SND1: variants seen among roughly 807,000 people sequenced by gnomAD.
The protein encoded by SND1 is staphylococcal nuclease and tudor domain containing 1, also known as staphylococcal nuclease domain-containing protein 1.
In SND1, 38 loss-of-function variants were observed where a neutral mutation model predicts 121.7. That is an observed-to-expected ratio of 0.31 (90% CI 0.24 to 0.41). The LOEUF (loss-of-function observed/expected upper bound fraction) is 0.41, where lower values mean the gene tolerates loss of function less well. Among genes scored for constraint, SND1 ranks in the 10% least tolerant of loss-of-function variants. The pLI is 1.00. For missense variants in SND1, 868 were observed against 1,184.6 expected, an observed-to-expected ratio of 0.73 and a Z score of 3.92; for synonymous variants, 401 against 447.4, an observed-to-expected ratio of 0.90 and a Z score of 1.31.
At chr7:127,716,820 G>A (rs1189074675) in intron 9 of SND1, among the ~76,000 whole-genome samples, 1 of 152,148 alleles carries the variant, frequency 6.6e-6, no homozygotes, top group Non-Finnish European at 1.5e-5. Flanking sequence ...ATATTCCTAT[G>A]TGATAATATG....
intron 10 of SND1, among the ~76,000 whole-genome samples, chr7:127,766,956 G>T (rs1353935791): frequency 1.3e-5 from 2 of 151,788 alleles, no homozygotes; most frequent in African/African-American, 2.4e-5. Context: ...GTAAAGTGCT[G>T]TGTACTTTTA....
At chr7:127,661,475 C>T (rs1218152464) in intron 1 of SND1, among the ~76,000 whole-genome samples, 1 of 152,132 alleles carries the variant, frequency 6.6e-6, no homozygotes, top group East Asian at 1.9e-4. Flanking sequence ...GAGCTTCATC[C>T]CTAGGCCTTT....
chr7:127,859,187 A>G (rs1212889738), intron 12 of SND1, among the ~76,000 whole-genome samples: 4 of 152,176 alleles, frequency 2.6e-5, no homozygotes, highest in African/African-American at 9.7e-5. Context: ...ATGGATATGT[A>G]GGCTTGGTTT....
At chr7:127,861,997 C>T (rs934054912) in intron 12 of SND1, among the ~76,000 whole-genome samples, 6 of 152,186 alleles carry the variant, frequency 3.9e-5, no homozygotes, top group African/African-American at 1.4e-4. Flanking sequence ...AGCAATAAGA[C>T]ATTAGTATTC....
At chr7:128,083,036 C>T (rs1406037575) in intron 18 of SND1, among the ~76,000 whole-genome samples, 1 of 152,214 alleles carries the variant, frequency 6.6e-6, no homozygotes, top group Admixed American at 6.5e-5. Flanking sequence ...AGGCCCCTGC[C>T]CTCTGGTGGC....
At chr7:127,860,938 T>G (rs187531408) in intron 12 of SND1, among the ~76,000 whole-genome samples, 32 of 152,344 alleles carry the variant, frequency 2.1e-4, no homozygotes, top group African/African-American at 7.7e-4. Context: ...TGTTCTGTTT[T>G]GGGGGATAGC....
At chr7:127,678,647 G>A (rs1381568002) in intron 1 of SND1, among the ~76,000 whole-genome samples, 2 of 152,098 alleles carry the variant, frequency 1.3e-5, no homozygotes, top group South Asian at 2.1e-4. Flanking sequence ...TCAGAGAAAG[G>A]CCTCCCAGAC....
In SND1 at chr7:127,731,870, T is replaced by C. The variant is rs184661505; in HGVS notation, c.1152+10470T>C. ...ATTAGTCCCAGAGTACCTGATACCG[T>C]AGACGGAACCTGACAAACTGGAAAC... On this transcript the variant is annotated intron_variant, in intron 10 of 23. Transcript: ENST00000354725. Among the ~76,000 whole-genome samples, 250 of 152,356 alleles carry C rather than the reference T, an allele frequency of 1.6e-3. 1 individual carries two copies. Among genetic ancestry groups the C allele is most frequent in the Admixed American group, 1.4e-3 (22 of 15,304 alleles).
chr7:127,966,585 A>T (rs550339490), intron 15 of SND1, among the ~76,000 whole-genome samples: 1 of 75,812 alleles, frequency 1.3e-5, no homozygotes, highest in Non-Finnish European at 2.5e-5. Flanking sequence ...AAACTGAACA[A>T]CCTGCTCCTG....
chr7:127,839,960 A>C (rs768806977), intron 11 of SND1, among the ~76,000 whole-genome samples: 2 of 152,240 alleles, frequency 1.3e-5, no homozygotes, highest in African/African-American at 2.4e-5. Flanking sequence ...ACAGCTTGAC[A>C]AAATGGTCCT....
At chr7:127,766,636 G>C (rs192266325) in intron 10 of SND1, among the ~76,000 whole-genome samples, 11 of 151,558 alleles carry the variant, frequency 7.3e-5, no homozygotes, top group African/African-American at 1.5e-4. Flanking sequence ...TTAGCCGGGC[G>C]TGGTGGCGGG....
chr7:127,922,195 T>TG (rs1800729605), intron 14 of SND1, among the ~76,000 whole-genome samples: 6 of 81,462 alleles, frequency 7.4e-5, no homozygotes, highest in South Asian at 1.0e-3. Context: ...TTTTTTTTTT[T>TG]TTTTTTTTGT....
At chr7:127,663,778 T>G (rs1795361387) in intron 1 of SND1, among the ~76,000 whole-genome samples, 1 of 152,206 alleles carries the variant, frequency 6.6e-6, no homozygotes, top group Admixed American at 6.5e-5. Context: ...GTTTTTAATC[T>G]GCTTTCTCTG....
chr7:128,070,590 A>G (rs895131275), intron 16 of SND1, among the ~76,000 whole-genome samples: 8 of 152,238 alleles, frequency 5.3e-5, no homozygotes, highest in African/African-American at 1.9e-4. Flanking sequence ...AAATTACACA[A>G]CACTCCACCA....
At chr7:127,656,725 C>T (rs909117496) in intron 1 of SND1, among the ~76,000 whole-genome samples, 1 of 152,148 alleles carries the variant, frequency 6.6e-6, no homozygotes, top group Non-Finnish European at 1.5e-5. Flanking sequence ...TCAGGGACCC[C>T]GAACAGAGGG....
At chr7:127,742,579 T>C (rs1796901799) in intron 10 of SND1, among the ~76,000 whole-genome samples, 2 of 145,528 alleles carry the variant, frequency 1.4e-5, no homozygotes, top group Non-Finnish European at 3.0e-5. Context: ...GTAGAAGATA[T>C]GGGCGGGTGG....
chr7:128,091,938 T>C, intron 23 of SND1, 55 bp from the exon 24 acceptor site: 1 of 1,613,810 alleles, frequency 6.2e-7, no homozygotes, highest in Non-Finnish European at 8.5e-7. Context: ...TTTGGCCCTC[T>C]GAGTTCCGGT....
At chr7:127,777,422 A>G (rs1338649366) in intron 10 of SND1, among the ~76,000 whole-genome samples, 1 of 152,250 alleles carries the variant, frequency 6.6e-6, no homozygotes, top group Non-Finnish European at 1.5e-5. Context: ...TGGTAGAGGA[A>G]AGAGATTCTT....
At chr7:127,662,374 C>T (rs575745403) in intron 1 of SND1, among the ~76,000 whole-genome samples, 6 of 152,188 alleles carry the variant, frequency 3.9e-5, no homozygotes, top group African/African-American at 1.4e-4. Flanking sequence ...GAGCGGTATT[C>T]CACAGTTTGG....
Sources: gnomAD v4.1 joint callset for allele counts (sites outside exome capture counted in the v4.1 genomes callset) on GRCh38, gnomAD v4.1.1 for gene constraint, MANE v1.5 for transcripts, NCBI Gene and HGNC (gene_info 2026-07-23, HGNC 2026-07-21) for gene names.